ROBO2: variants seen among roughly 807,000 people sequenced by gnomAD.
ROBO2 encodes the protein roundabout guidance receptor 2, also known as roundabout homolog 2.
ROBO2 carries 53 observed loss-of-function variants against 160.8 expected under a neutral mutation model. That is an observed-to-expected ratio of 0.33 (90% CI 0.26 to 0.41). The LOEUF (loss-of-function observed/expected upper bound fraction) is 0.41, where lower values mean the gene tolerates loss of function less well. ROBO2 is among the 10% of genes least tolerant of loss of function. The pLI, the probability that ROBO2 is intolerant of heterozygous loss-of-function variation, is 1.00. For missense variants in ROBO2, 1,577 were observed against 1,722.4 expected (o/e 0.92, Z 1.49); for synonymous variants, 664 against 611.7 (o/e 1.09, Z -1.26).
intron 2 of ROBO2, among the ~76,000 whole-genome samples, chr3:76,525,053 C>T (rs1209318493): frequency 6.6e-6 from 1 of 151,252 alleles, no homozygotes; most frequent in Non-Finnish European, 1.5e-5. Flanking sequence ...TAAACAAAAC[C>T]GTTGTTTTGC....
intron 2 of ROBO2, among the ~76,000 whole-genome samples, chr3:76,657,884 G>GTATA (rs537664624): frequency 6.8e-6 from 1 of 146,614 alleles, no homozygotes; most frequent in Non-Finnish European, 1.5e-5. Context: ...GTGTGTGTGT[G>GTATA]TATATATATA....
At chr3:75,945,389 A>G (rs1024128433) in intron 2 of ROBO2, among the ~76,000 whole-genome samples, 1 of 152,166 alleles carries the variant, frequency 6.6e-6, no homozygotes, top group African/African-American at 2.4e-5. Flanking sequence ...AGTTTGGAGT[A>G]GTAGAAGATT....
In ROBO2 at chr3:76,986,049, A is replaced by G. The variant is rs185619572; in HGVS notation, c.110-111965A>G. ...ATAAATCTAATCAATAACTCTGATA[A>G]GCATTTAAAGCAGATTTATATTTTT... On this transcript the variant is annotated intron_variant, in intron 2 of 26. Transcript: ENST00000487694. 2.8e-3 allele frequency among the ~76,000 whole-genome samples: 421 copies of G among 152,346 alleles called. 1 individual carries two copies. Among genetic ancestry groups the G allele is most frequent in the Non-Finnish European group, 4.5e-3 (304 of 68,028 alleles).
rs1559554756 is a variant in ROBO2, at chr3:76,103,892, AT to A, written c.109+166293del. Among the ~76,000 whole-genome samples, 9 of 152,200 alleles carry A rather than the reference AT, an allele frequency of 5.9e-5. No homozygotes were observed. The South Asian group carries it at 6.2e-4, about 11-fold the overall frequency. On this transcript the variant is annotated intron_variant, in intron 2 of 26. Coordinates refer to the ROBO2 transcript ENST00000487694. ...TGACGCAGTGCTTATGCCGAAGTTG[AT>A]TTCCAGGACATACGAGCCCCAGTGA...
At chr3:77,230,981 A>T (rs137969503) in intron 2 of ROBO2, among the ~76,000 whole-genome samples, 68 of 152,320 alleles carry the variant, frequency 4.5e-4, no homozygotes, top group African/African-American at 1.6e-3. Context: ...AAAAAAGAAA[A>T]CAATTTGTGT....
intron 2 of ROBO2, among the ~76,000 whole-genome samples, chr3:77,285,103 GATAGAAAA>G (rs2153377611): frequency 6.6e-6 from 1 of 152,216 alleles, no homozygotes; most frequent in South Asian, 2.1e-4. Context: ...AATCTTTGGT[GATAGAAAA>G]GAGAATCAGT....
intron 2 of ROBO2, among the ~76,000 whole-genome samples, chr3:76,665,563 A>G (rs2091985653): frequency 6.6e-6 from 1 of 151,634 alleles, no homozygotes; most frequent in African/African-American, 2.4e-5. Context: ...CTTAAGGCCA[A>G]TGATGGAACA....
chr3:76,856,712 C>A (rs896093293), intron 2 of ROBO2, among the ~76,000 whole-genome samples: 1 of 152,154 alleles, frequency 6.6e-6, no homozygotes, highest in African/African-American at 2.4e-5. Context: ...TGGTGCTTTA[C>A]CACACTATAT....
intron 2 of ROBO2, among the ~76,000 whole-genome samples, chr3:77,383,701 A>T (rs1461667159): frequency 6.6e-6 from 1 of 152,128 alleles, no homozygotes; most frequent in African/African-American, 2.4e-5. Context: ...ACACTTTGCC[A>T]TGGAGGAAAA....
At chr3:77,460,881 T>C (rs1008694802) in intron 2 of ROBO2, among the ~76,000 whole-genome samples, 12 of 152,278 alleles carry the variant, frequency 7.9e-5, no homozygotes, top group African/African-American at 2.9e-4. Context: ...TCTTCAGTCT[T>C]ATAAGGTACT....
chr3:77,512,861 C>A (rs1016501150), intron 5 of ROBO2, among the ~76,000 whole-genome samples: 1 of 151,850 alleles, frequency 6.6e-6, no homozygotes, highest in African/African-American at 2.4e-5. Context: ...TAAATGTTTC[C>A]TGGTTCAATT....
At chr3:77,251,894 A>G (rs2090394793) in intron 2 of ROBO2, among the ~76,000 whole-genome samples, 1 of 152,148 alleles carries the variant, frequency 6.6e-6, no homozygotes, top group Non-Finnish European at 1.5e-5. Context: ...TTCTTTATGA[A>G]TTACCCAGTC....
chr3:76,664,496 C>T (rs1403538170), intron 2 of ROBO2, among the ~76,000 whole-genome samples: 1 of 152,162 alleles, frequency 6.6e-6, no homozygotes, highest in South Asian at 2.1e-4. Context: ...ACATAGGAAA[C>T]GTCCAGAGGG....
chr3:75,922,667 G>A (rs1311419968), intron 1 of ROBO2, among the ~76,000 whole-genome samples: 2 of 152,008 alleles, frequency 1.3e-5, no homozygotes, highest in African/African-American at 4.8e-5. Flanking sequence ...TATTGATACG[G>A]AGTTAATATT....
intron 2 of ROBO2, among the ~76,000 whole-genome samples, chr3:76,459,848 T>A (rs1339034363): frequency 6.6e-6 from 1 of 152,100 alleles, no homozygotes; most frequent in Non-Finnish European, 1.5e-5. Flanking sequence ...TATAAAAGGA[T>A]CACTTAAGTT....
At chr3:76,774,541 T>C (rs2062113850) in intron 2 of ROBO2, among the ~76,000 whole-genome samples, 1 of 150,894 alleles carries the variant, frequency 6.6e-6, no homozygotes, top group South Asian at 2.1e-4. Context: ...GCATGATTTG[T>C]ATTAATTCCC....
At chr3:76,465,515 G>C (rs554261646) in intron 2 of ROBO2, among the ~76,000 whole-genome samples, 8 of 152,018 alleles carry the variant, frequency 5.3e-5, no homozygotes, top group Admixed American at 1.3e-4. Flanking sequence ...GATTAATTCA[G>C]AAAAATGATG....
At chr3:77,622,496 A>C in intron 23 of ROBO2, 64 bp downstream of exon 24, 1 of 1,305,356 alleles carries the variant, frequency 7.7e-7, no homozygotes, top group Middle Eastern at 1.8e-4. Flanking sequence ...ATCAAAAGTC[A>C]ACTACTTCCT....
rs147403704 is a variant in ROBO2 at position 76,658,999 on chromosome 3, A to G, written c.110-439015A>G. Among the ~76,000 whole-genome samples the G allele has an allele frequency of 8.8e-3, 1,334 of 152,258 alleles. 12 individuals are homozygous for G. Among genetic ancestry groups the G allele is most frequent in the African/African-American group, 0.028 (1,156 of 41,544 alleles). On this transcript the variant is annotated intron_variant, in intron 2 of 26. Coordinates refer to the ROBO2 transcript ENST00000487694. The stretch of plus-strand genomic sequence containing the variant: ...AATTTCCCTAAGATAAATTTCTACA[A>G]TGAGGCCTTCATTCAAAGGATATGT...
Sources: allele counts gnomAD v4.1 joint callset (sites outside exome capture counted in the v4.1 genomes callset), GRCh38; gene constraint gnomAD v4.1.1; transcripts MANE v1.5; gene names NCBI Gene and HGNC (gene_info 2026-07-23, HGNC 2026-07-21).